The following TARBP1 variants were observed in gnomAD, a reference collection of about 807,000 sequenced individuals.
TARBP1 encodes the protein tRNA guanosine 2 -O-methyltransferase TARBP1.
TARBP1 carries 144 observed loss-of-function variants against 178.6 expected under a neutral mutation model. The ratio of observed to expected loss-of-function variants is 0.81; its 90% confidence interval spans 0.70 to 0.93. The LOEUF is 0.93. Among genes scored for constraint, TARBP1 ranks in the 40% least tolerant of loss-of-function variants. The pLI is 0.00. For missense variants in TARBP1, 2,067 were observed against 2,011.7 expected, an observed-to-expected ratio of 1.03 and a Z score of -0.53; for synonymous variants, 787 against 781.0, an observed-to-expected ratio of 1.01 and a Z score of -0.13.
intron 2 of TARBP1, among the ~76,000 whole-genome samples, chr1:234,471,919 CTCACAA>C (rs1669100868): frequency 6.6e-6 from 1 of 152,128 alleles, no homozygotes; most frequent in African/African-American, 2.4e-5. Flanking sequence ...GGATTGACAC[CTCACAA>C]TGACTCCACA....
rs1378232038 is a variant in TARBP1 at position 234,429,664 on chromosome 1, A to C, written c.2623T>G (p.Ser875Ala). 3 of 1,599,184 alleles carry C rather than the reference A, an allele frequency of 1.9e-6. No homozygotes were observed. Among genetic ancestry groups the C allele is most frequent in the Non-Finnish European group, 1.7e-6 (2 of 1,174,344 alleles). ...PLECSSVLEESSSSQGWGKIV... is the reference protein window; with the variant it reads ...PLECSSVLEEASSSQGWGKIV... ...TTTCCCCATCCTTGGGAAGATGACGATTCTTCCAAAACACTGAAATAAAAA... is the reference window on the plus strand; with the variant it reads ...TTTCCCCATCCTTGGGAAGATGACGCTTCTTCCAAAACACTGAAATAAAAA... The change falls in exon 16 of 30, where the codon TCG (serine) becomes GCG (alanine). Residue 875 changes from serine to alanine, a missense_variant. Ser to Ala is a moderately conservative substitution (Grantham distance 99). Coordinates refer to ENST00000040877, the MANE Select transcript of TARBP1 (RefSeq NM_005646.4).
At chr1:234,410,647 G>C (rs1661712022) in intron 22 of TARBP1, 116 bp from the exon 23 acceptor site, 1 of 630,822 alleles carries the variant, frequency 1.6e-6, no homozygotes, top group Admixed American at 3.3e-5. Flanking sequence ...CTCTTCCCTG[G>C]AACAGCCCGG....
chr1:234,430,343 G>T, intron 14 of TARBP1, 42 bp from the exon 15 acceptor site: 1 of 1,566,062 alleles, frequency 6.4e-7, no homozygotes, highest in Non-Finnish European at 8.7e-7. Flanking sequence ...ATATGCACAA[G>T]TCTTAATCAG....
At chr1:234,415,192 G>A (rs1358223210) in intron 22 of TARBP1, among the ~76,000 whole-genome samples, 1 of 152,124 alleles carries the variant, frequency 6.6e-6, no homozygotes, top group Non-Finnish European at 1.5e-5. Context: ...AGGAGAGACT[G>A]AGGATAGAAG....
intron 4 of TARBP1, 38 bp downstream of exon 4, chr1:234,467,464 C>T (rs765626751): frequency 6.8e-7 from 1 of 1,478,914 alleles, no homozygotes; most frequent in Non-Finnish European, 9.0e-7. Context: ...TCTCGCCTTT[C>T]AACAATGGGA....
rs1268767744 is a variant in TARBP1 at position 234,430,281 on chromosome 1, C to G, written c.2415G>C (p.Gln805His). 1.1e-5 allele frequency: 18 copies of G among 1,613,870 alleles called. No individual in the cohort carries two copies. The highest frequency in any genetic ancestry group is 1.5e-5 in the Non-Finnish European group (18 of 1,180,002). The change falls in exon 15 of 30, where the codon CAG becomes CAC. Residue 805 changes from glutamine (Q) to histidine (H), a missense_variant. Physicochemically the swap from Gln to His is conservative, Grantham distance 24. Coordinates refer to ENST00000040877, the MANE Select transcript of TARBP1 (RefSeq NM_005646.4). ...CAGCCATGCTCACTACTCTCTGAAT[C>G]TGACTTCCAACTGTTGGCTCCTGAA... ...DSGQEPTVGS[Q>H]IQRVVSMAAL...
intron 23 of TARBP1, 117 bp from the exon 24 acceptor site, chr1:234,406,216 C>T: frequency 1.1e-6 from 1 of 905,310 alleles, no homozygotes; most frequent in Non-Finnish European, 1.7e-6. Flanking sequence ...ACTTCTTCCA[C>T]TGGCTTTGCT....
At chr1:234,419,230 C>T (rs778933242) in intron 21 of TARBP1, among the ~76,000 whole-genome samples, 6 of 151,894 alleles carry the variant, frequency 4.0e-5, no homozygotes, top group Non-Finnish European at 8.8e-5. Flanking sequence ...GTATTATGTA[C>T]GTCTTTATTT....
At chr1:234,465,068 A>G (rs1668287829) in intron 5 of TARBP1, among the ~76,000 whole-genome samples, 1 of 138,902 alleles carries the variant, frequency 7.2e-6, no homozygotes, top group Non-Finnish European at 1.5e-5. Flanking sequence ...GGATGGATGA[A>G]CGGATGGATG....
In TARBP1 at chr1:234,427,567, A is replaced by G. The variant is rs1326380558; in HGVS notation, c.3251+9T>C. On this transcript the variant is annotated intron_variant, in intron 18 of 29. Coordinates refer to ENST00000040877, the MANE Select transcript of TARBP1 (RefSeq NM_005646.4). Reference sequence around the variant, plus strand: ...AGTTATGACCAGTTGAAATAATAGCATCTTTTACCTTTGATCACGCCTAAA... The same window carrying G: ...AGTTATGACCAGTTGAAATAATAGCGTCTTTTACCTTTGATCACGCCTAAA... 4.4e-6 allele frequency: 7 copies of G among 1,590,672 alleles called. No individual in the cohort carries two copies. In the African/African-American group the frequency reaches 6.8e-5, roughly 15 times the overall value.
At chr1:234,410,375 TA>T (rs1661677044) in intron 23 of TARBP1, 69 bp downstream of exon 23, 3 of 953,732 alleles carry the variant, frequency 3.1e-6, no homozygotes, top group Non-Finnish European at 4.8e-6. Context: ...GCTCTACATA[TA>T]AAAAATTGGT....
At chr1:234,422,439 G>A (rs1663212247) in intron 20 of TARBP1, among the ~76,000 whole-genome samples, 1 of 152,138 alleles carries the variant, frequency 6.6e-6, no homozygotes, top group Non-Finnish European at 1.5e-5. Flanking sequence ...GCAACAACAT[G>A]GATGGAACTG....
At position 234,430,130 on chromosome 1, in the gene TARBP1, C is replaced by A. The variant is rs149931337; in HGVS notation, c.2566G>T (p.Ala856Ser). The A allele has an allele frequency of 2.5e-6, 4 of 1,614,060 alleles. No individual in the cohort carries two copies. The African/African-American group carries it at 4.0e-5, about 16-fold the overall frequency. The stretch of plus-strand genomic sequence containing the variant: ...TGAGCATAACTGCTCTGCTCCTCTG[C>A]GTGGGGCTTCTGCAGCGTCTGATTG... ...QLNQTLQKPH[A>S]EEQSSYAHPL... is the part of the protein sequence containing the mutation. Residue 856 changes from alanine to serine, a missense_variant, in exon 15 of 30, where the codon GCA becomes TCA. Coordinates refer to ENST00000040877, the MANE Select transcript of TARBP1 (RefSeq NM_005646.4).
intron 21 of TARBP1, among the ~76,000 whole-genome samples, chr1:234,418,894 C>G (rs763520466): frequency 1.3e-5 from 2 of 152,150 alleles, no homozygotes; most frequent in Admixed American, 1.3e-4. Context: ...ATGTATTGGC[C>G]GGGCACAGTG....
At chr1:234,394,544 A>T (rs1005979365) in intron 26 of TARBP1, among the ~76,000 whole-genome samples, 9 of 152,242 alleles carry the variant, frequency 5.9e-5, no homozygotes, top group Admixed American at 1.3e-4. Flanking sequence ...ACAGTACAAC[A>T]GTGAAGGTAA....
chr1:234,422,152 A>G (rs1329492811), intron 20 of TARBP1, among the ~76,000 whole-genome samples: 1 of 152,172 alleles, frequency 6.6e-6, no homozygotes, highest in Non-Finnish European at 1.5e-5. Flanking sequence ...CATGTCAAGA[A>G]AGCTGCCCTT....
Position 234,478,835 on chromosome 1 carries a change from G to C in TARBP1, c.269C>G (p.Pro90Arg). Residue 90 changes from proline to arginine, a missense_variant, in exon 1 of 30, where the codon CCT becomes CGT. Transcript: ENST00000040877. ...PAGGPDPSLQ[P>R]RHRRRVLRAA... ...CCTCAGCACGCGCCGGCGGTGGCGA[G>C]GCTGCAGACTGGGGTCCGGGCCGCC... 2 of 1,205,504 alleles carry C rather than the reference G, an allele frequency of 1.7e-6. No individual in the cohort carries two copies. The highest frequency in any genetic ancestry group is 7.1e-5 in the East Asian group (2 of 28,042). 74.7% of individuals were successfully genotyped at this position (1,205,504 alleles called of 1,614,324 possible).
chr1:234,439,545 G>A (rs905963111), intron 12 of TARBP1, among the ~76,000 whole-genome samples: 1 of 152,130 alleles, frequency 6.6e-6, no homozygotes, highest in African/African-American at 2.4e-5. Flanking sequence ...AAAAACAAAG[G>A]CCCAGTGTGG....
intron 1 of TARBP1, among the ~76,000 whole-genome samples, chr1:234,477,653 G>A (rs902307568): frequency 6.6e-6 from 1 of 152,266 alleles, no homozygotes; most frequent in South Asian, 2.1e-4. Context: ...ACACTCAAAA[G>A]GTCGACTTAA....
Sources: allele counts gnomAD v4.1 joint callset (sites outside exome capture counted in the v4.1 genomes callset), GRCh38; gene constraint gnomAD v4.1.1; transcripts MANE v1.5; gene names NCBI Gene and HGNC (gene_info 2026-07-23, HGNC 2026-07-21).